Variants in MGAT4C observed in about 807,000 individuals in gnomAD.
The protein encoded by MGAT4C is MGAT4 family member C.
In MGAT4C, 19 loss-of-function variants were observed where a neutral mutation model predicts 40.1. The ratio of observed to expected loss-of-function variants is 0.47; its 90% CI spans 0.33 to 0.70. The LOEUF (loss-of-function observed/expected upper bound fraction) is 0.70, where lower values mean the gene tolerates loss of function less well. MGAT4C is among the 30% of genes least tolerant of loss of function. MGAT4C has a pLI of 0.02. For missense variants in MGAT4C, 491 were observed against 563.2 expected (o/e 0.87, Z 1.30); for synonymous variants, 181 against 187.1 (o/e 0.97, Z 0.27).
intron 1 of MGAT4C, among the ~76,000 whole-genome samples, chr12:86,075,538 A>T (rs754507388): frequency 6.6e-6 from 1 of 152,126 alleles, no homozygotes; most frequent in Admixed American, 6.5e-5. Flanking sequence ...CTGTGCCTCA[A>T]TAGGGACTCT....
rs148001355 is a variant in MGAT4C, at chr12:85,987,480, C to T, written c.147+1920G>A. ...CTAAGAAGCAATCTGTTTTCTGCAC[C>T]TGGACTGATTTGCAAATTTGAGTAG... On this transcript the variant is annotated intron_variant, in intron 3 of 4. Transcript: ENST00000611864. Among the ~76,000 whole-genome samples, 568 of 152,202 alleles carry T rather than the reference C, an allele frequency of 3.7e-3. 4 individuals are homozygous for T. The highest frequency in any genetic ancestry group is 0.012 in the African/African-American group (509 of 41,524).
intron 1 of MGAT4C, among the ~76,000 whole-genome samples, chr12:86,751,496 C>A (rs1471144677): frequency 2.0e-5 from 3 of 151,882 alleles, no homozygotes; most frequent in Non-Finnish European, 4.4e-5. Context: ...CTTTTCCTTC[C>A]CACTCCCTGA....
At chr12:86,488,867 G>C (rs140519299) in intron 2 of MGAT4C, among the ~76,000 whole-genome samples, 1 of 152,026 alleles carries the variant, frequency 6.6e-6, no homozygotes, top group African/African-American at 2.4e-5. Flanking sequence ...AAAAAATGTG[G>C]TTATTTTAAA....
At chr12:86,822,603 A>G (rs1166849317) in intron 1 of MGAT4C, among the ~76,000 whole-genome samples, 3 of 151,206 alleles carry the variant, frequency 2.0e-5, no homozygotes, top group Non-Finnish European at 4.4e-5. Flanking sequence ...AAAAAAGGAC[A>G]GTGTATAACG....
At position 86,218,228 on chromosome 12, in the gene MGAT4C, T is replaced by C. The variant is rs149952676; in HGVS notation, c.-57+38011A>G. Among the ~76,000 whole-genome samples the C allele has an allele frequency of 7.2e-4, 109 of 152,268 alleles. 1 individual carries two copies. In the East Asian group the frequency reaches 0.013, roughly 19 times the overall value. On this transcript the variant is annotated intron_variant, in intron 1 of 4. Transcript: ENST00000611864. ...ATCCTAATAGAAGAGCTAAGGTTTT[T>C]CCACTACCATGTAACTTTCTGTATT...
At chr12:86,145,892 G>A (rs1883445375) in intron 1 of MGAT4C, among the ~76,000 whole-genome samples, 1 of 152,052 alleles carries the variant, frequency 6.6e-6, no homozygotes, top group Non-Finnish European at 1.5e-5. Context: ...CACAGCTACA[G>A]CCACAGTCTG....
chr12:86,280,764 C>G (rs4842600), intron 4 of MGAT4C, among the ~76,000 whole-genome samples: 131,657 of 151,422 alleles, frequency 0.87, 57,323 homozygotes, highest in East Asian at 1. Context: ...ACTTTGTTTT[C>G]TTTTACTATG....
chr12:86,225,992 G>T (rs933419572), intron 1 of MGAT4C, among the ~76,000 whole-genome samples: 3 of 151,918 alleles, frequency 2.0e-5, no homozygotes, highest in South Asian at 4.1e-4. Context: ...TGGAAAAGAA[G>T]AAGTCAATTG....
intron 2 of MGAT4C, among the ~76,000 whole-genome samples, chr12:86,025,733 A>G (rs988049136): frequency 6.6e-6 from 1 of 151,672 alleles, no homozygotes; most frequent in Non-Finnish European, 1.5e-5. Flanking sequence ...AGATATTATC[A>G]TATCTATTTA....
intron 1 of MGAT4C, among the ~76,000 whole-genome samples, chr12:86,183,737 C>T (rs1232535202): frequency 6.6e-6 from 1 of 152,158 alleles, no homozygotes; most frequent in African/African-American, 2.4e-5. Flanking sequence ...CTGGCTTGAC[C>T]TTACCATGCT....
intron 2 of MGAT4C, among the ~76,000 whole-genome samples, chr12:86,676,957 C>A (rs939138701): frequency 8.6e-5 from 13 of 152,014 alleles, no homozygotes; most frequent in African/African-American, 3.1e-4. Flanking sequence ...TTAAATATTT[C>A]TAGACATCCT....
At chr12:86,562,346 G>A (rs886918297) in intron 2 of MGAT4C, among the ~76,000 whole-genome samples, 6 of 152,146 alleles carry the variant, frequency 3.9e-5, no homozygotes, top group African/African-American at 1.4e-4. Flanking sequence ...GAGGGCACTG[G>A]TTGGAAAAGA....
intron 2 of MGAT4C, among the ~76,000 whole-genome samples, chr12:86,006,077 G>A (rs969319264): frequency 6.6e-6 from 1 of 152,006 alleles, no homozygotes; most frequent in East Asian, 1.9e-4. Flanking sequence ...GCTGAAGCTC[G>A]ACTATGTGAT....
intron 2 of MGAT4C, among the ~76,000 whole-genome samples, chr12:86,624,769 A>C (rs1298179060): frequency 6.6e-6 from 1 of 152,116 alleles, no homozygotes; most frequent in Non-Finnish European, 1.5e-5. Context: ...CAGACAGAGA[A>C]AGGTATGGTC....
intron 2 of MGAT4C, among the ~76,000 whole-genome samples, chr12:86,582,742 T>C (rs1434423092): frequency 6.6e-6 from 1 of 151,242 alleles, no homozygotes; most frequent in Non-Finnish European, 1.5e-5. Context: ...GGTTCAATTA[T>C]GCTTAAATTA....
chr12:86,446,358 C>A (rs1201269589), intron 2 of MGAT4C, among the ~76,000 whole-genome samples: 1 of 151,834 alleles, frequency 6.6e-6, no homozygotes, highest in East Asian at 1.9e-4. Context: ...GTATATAATG[C>A]ACTTATTTTT....
chr12:86,389,888 G>GT (rs1323171059), intron 3 of MGAT4C, among the ~76,000 whole-genome samples: 3 of 151,958 alleles, frequency 2.0e-5, no homozygotes, highest in Non-Finnish European at 4.4e-5. Flanking sequence ...ATATTTCACC[G>GT]TAACAATGCC....
intron 4 of MGAT4C, among the ~76,000 whole-genome samples, chr12:86,319,434 T>C (rs1469925888): frequency 7.9e-5 from 12 of 152,162 alleles, no homozygotes. Context: ...AAGCAGTGAA[T>C]AATTCCTTCA....
intron 3 of MGAT4C, among the ~76,000 whole-genome samples, chr12:86,405,595 TTCTGA>T: frequency 6.6e-6 from 1 of 151,944 alleles, no homozygotes; most frequent in Admixed American, 6.6e-5. Flanking sequence ...TTATCACAAT[TTCTGA>T]ATTGTTTTTT....
Sources: allele counts gnomAD v4.1 joint callset (sites outside exome capture counted in the v4.1 genomes callset), GRCh38; gene constraint gnomAD v4.1.1; transcripts MANE v1.5; gene names NCBI Gene and HGNC (gene_info 2026-07-23, HGNC 2026-07-21).